Variants in ZNF227 observed in about 807,000 individuals in gnomAD.
The protein encoded by ZNF227 is zinc finger protein 227.
Under a neutral mutation model 13.2 loss-of-function variants are expected in ZNF227, and 12 were observed. The observed-to-expected ratio is 0.91, with a 90% confidence interval of 0.58 to 1.47. The LOEUF is 1.47. ZNF227 is among the 40% of genes most tolerant of loss of function. The pLI, the probability that ZNF227 is intolerant of heterozygous loss-of-function variation, is 0.00. For missense variants in ZNF227, 885 were observed against 967.5 expected, an observed-to-expected ratio of 0.91 and a Z score of 1.13; for synonymous variants, 338 against 326.0, an observed-to-expected ratio of 1.04 and a Z score of -0.40.
chr19:44,234,636 T>C, intron 5 of ZNF227, 66 bp from the exon 6 acceptor site: 1 of 1,421,580 alleles, frequency 7.0e-7, no homozygotes, highest in South Asian at 1.5e-5. Flanking sequence ...TGTGAAATTC[T>C]GATATTTCTG....
intron 3 of ZNF227, among the ~76,000 whole-genome samples, chr19:44,226,529 G>T (rs1201633187): frequency 1.3e-5 from 2 of 152,220 alleles, no homozygotes; most frequent in African/African-American, 2.4e-5. Context: ...ATCTCAGACT[G>T]CTGTGCTAGC....
At position 44,235,172 on chromosome 19, in the gene ZNF227, A is replaced by T; in HGVS notation, c.742A>T (p.Lys248Ter). The change falls in exon 6 of 6, where the codon AAA (lysine) becomes TAA (stop). Residue 248 changes from lysine (K) to a stop codon, truncating the protein, a stop_gained. Coordinates refer to ENST00000313040, the MANE Select transcript of ZNF227 (RefSeq NM_182490.3). LOFTEE classifies it low-confidence loss of function (END_TRUNC). ...CAATCAGAAATTACCCTTAGGAGAG[A>T]AACCCCATCCATGTGGTGAGTGTGG... The part of the protein sequence containing the change: ...GSNQKLPLGE[K>*]PHPCGECGRG... The T allele has an allele frequency of 6.2e-7, 1 of 1,614,162 alleles. No individual in the cohort carries two copies. Among genetic ancestry groups the T allele is most frequent in the South Asian group, 1.1e-5 (1 of 91,080 alleles).
At chr19:44,227,923 T>C (rs1021150383) in intron 3 of ZNF227, among the ~76,000 whole-genome samples, 2 of 152,030 alleles carry the variant, frequency 1.3e-5, no homozygotes, top group Non-Finnish European at 2.9e-5. Flanking sequence ...CTGTGAACTT[T>C]GCAAACGTTA....
In ZNF227 at chr19:44,235,455, A is replaced by G. The variant is rs767022662; in HGVS notation, c.1025A>G (p.His342Arg). 2.5e-6 allele frequency: 4 copies of G among 1,614,034 alleles called. No individual in the cohort carries two copies. The highest frequency in any genetic ancestry group is 3.3e-5 in the Admixed American group (2 of 60,006). Residue 342 changes from histidine to arginine, a missense_variant, in exon 6 of 6, where the codon CAT becomes CGT. Transcript: ENST00000313040. ...AGTAGCAGCACGGGTCTTATCATTCATTACAGAACTCATACTGGAGAGAAA... is the reference window on the plus strand; with the variant it reads ...AGTAGCAGCACGGGTCTTATCATTCGTTACAGAACTCATACTGGAGAGAAA... ...GFSSSTGLII[H>R]YRTHTGEKPY...
intron 5 of ZNF227, among the ~76,000 whole-genome samples, chr19:44,234,210 T>A (rs4802215): frequency 0.14 from 21,162 of 152,212 alleles, 3,709 homozygotes; most frequent in African/African-American, 0.4. Context: ...TTTAGAACAA[T>A]CATATTATTC....
intron 2 of ZNF227, among the ~76,000 whole-genome samples, chr19:44,214,256 T>C (rs1318293668): frequency 3.9e-5 from 6 of 152,228 alleles, no homozygotes; most frequent in Admixed American, 1.3e-4. Flanking sequence ...AAATTACTTA[T>C]AATAAAACTG....
At position 44,224,155 on chromosome 19, in the gene ZNF227, C is replaced by T. The variant is rs199518586; in HGVS notation, c.61-4291C>T. Among the ~76,000 whole-genome samples, 15 of 152,280 alleles carry T rather than the reference C, an allele frequency of 9.9e-5. No individual in the cohort carries two copies. In the East Asian group the frequency reaches 2.9e-3, roughly 29 times the overall value. Reference sequence around the variant, plus strand: ...CAGACAGTTTGTTATAATTTCTGTTCTTTTACATTTGCTGAGGAGAGCTTT... The same window carrying T: ...CAGACAGTTTGTTATAATTTCTGTTTTTTTACATTTGCTGAGGAGAGCTTT... On this transcript the variant is annotated intron_variant, in intron 3 of 5. Coordinates refer to ENST00000313040, the MANE Select transcript of ZNF227 (RefSeq NM_182490.3).
chr19:44,223,280 A>C (rs1313334525), intron 3 of ZNF227, among the ~76,000 whole-genome samples: 1 of 152,238 alleles, frequency 6.6e-6, no homozygotes, highest in East Asian at 1.9e-4. Context: ...TAGCCTCATA[A>C]AATGAGTTAG....
intron 3 of ZNF227, among the ~76,000 whole-genome samples, chr19:44,224,341 G>A (rs538412715): frequency 3.3e-5 from 5 of 152,264 alleles, no homozygotes; most frequent in African/African-American, 9.6e-5. Context: ...TTTCTGTCTC[G>A]TTGATCTGTC....
intron 1 of ZNF227, chr19:44,212,850 T>G (rs1971476795): frequency 1.3e-5 from 2 of 152,226 alleles, no homozygotes; most frequent in South Asian, 4.1e-4. Context: ...CGTTACTGTG[T>G]AGGGTTGTAA....
At chr19:44,218,876 A>G (rs1424180568) in intron 3 of ZNF227, among the ~76,000 whole-genome samples, 2 of 152,182 alleles carry the variant, frequency 1.3e-5, no homozygotes, top group Non-Finnish European at 2.9e-5. Flanking sequence ...ATATGATAGA[A>G]GTACCTGATG....
At chr19:44,216,021 TAAAA>T (rs11325106) in intron 2 of ZNF227, among the ~76,000 whole-genome samples, 16 of 107,930 alleles carry the variant, frequency 1.5e-4, no homozygotes, top group Non-Finnish European at 2.1e-4. Context: ...GATGTACCTT[TAAAA>T]AAAAAAAAAA....
intron 3 of ZNF227, among the ~76,000 whole-genome samples, chr19:44,218,252 A>C (rs1378351965): frequency 2.6e-5 from 4 of 152,244 alleles, no homozygotes; most frequent in Non-Finnish European, 5.9e-5. Context: ...AAGACAACAA[A>C]AACTATTTCT....
rs144099312 is a variant in ZNF227, at chr19:44,235,794, G to A, written c.1364G>A (p.Arg455Gln). 250 of 1,610,754 alleles carry A rather than the reference G, an allele frequency of 1.6e-4. 2 individuals are homozygous for A. In the South Asian group the frequency reaches 2.0e-3, roughly 13 times the overall value. The change falls in exon 6 of 6, where the codon CGG (arginine) becomes CAG (glutamine). Residue 455 changes from arginine (R) to glutamine (Q), a missense_variant. Coordinates refer to ENST00000313040, the MANE Select transcript of ZNF227 (RefSeq NM_182490.3). ...FSHNSPLICH[R>Q]RVHTGEKPYK... The stretch of plus-strand genomic sequence containing the variant: ...CACAATTCACCATTAATATGCCATC[G>A]GAGAGTCCACACAGGAGAGAAGCCA...
chr19:44,217,771 G>A lies in ZNF227; in HGVS notation c.-2-20G>A. The A allele has an allele frequency of 2.5e-6, 4 of 1,614,076 alleles. No homozygotes were observed. In the South Asian group the frequency reaches 4.4e-5, roughly 18 times the overall value. ...GCTAACAGCAGGCTTGTGTCTCATGGCGTCTTTGGTCTCCCCCAGTTATGC... is the reference window on the plus strand; with the variant it reads ...GCTAACAGCAGGCTTGTGTCTCATGACGTCTTTGGTCTCCCCCAGTTATGC... On this transcript the variant is annotated intron_variant, in intron 2 of 5. Coordinates refer to ENST00000313040, the MANE Select transcript of ZNF227 (RefSeq NM_182490.3).
chr19:44,231,953 C>T (rs1007164935), intron 5 of ZNF227, among the ~76,000 whole-genome samples: 20 of 152,188 alleles, frequency 1.3e-4, no homozygotes. Context: ...GTATCAATTT[C>T]AAGTTGGCTT....
chr19:44,226,572 C>T (rs1004992627), intron 3 of ZNF227, among the ~76,000 whole-genome samples: 15 of 152,296 alleles, frequency 9.8e-5, no homozygotes, highest in South Asian at 2.1e-4. Flanking sequence ...TAGGACCCTC[C>T]GAGCCATGTG....
At chr19:44,232,471 C>G (rs1217381614) in intron 5 of ZNF227, among the ~76,000 whole-genome samples, 1 of 152,118 alleles carries the variant, frequency 6.6e-6, no homozygotes, top group Non-Finnish European at 1.5e-5. Flanking sequence ...CGGGAAGGTG[C>G]TGGACTTACA....
chr19:44,232,240 A>G (rs1973908863), intron 5 of ZNF227, among the ~76,000 whole-genome samples: 1 of 152,240 alleles, frequency 6.6e-6, no homozygotes, highest in South Asian at 2.1e-4. Context: ...CAATGTGAGA[A>G]GCACTTTACA....
Sources: gnomAD v4.1 joint callset for allele counts (sites outside exome capture counted in the v4.1 genomes callset) on GRCh38, gnomAD v4.1.1 for gene constraint, MANE v1.5 for transcripts, NCBI Gene and HGNC (gene_info 2026-07-23, HGNC 2026-07-21) for gene names.